The following CRTC3 variants were observed in gnomAD, a reference collection of about 807,000 sequenced individuals.
CRTC3 encodes the protein CREB-regulated transcription coactivator 3.
Under a neutral mutation model 74.5 loss-of-function variants are expected in CRTC3, and 26 were observed. The ratio of observed to expected loss-of-function variants is 0.35; its 90% CI spans 0.26 to 0.48. CRTC3 has a LOEUF of 0.48. CRTC3 is among the 20% of genes least tolerant of loss of function. The probability of loss-of-function intolerance (pLI) is 0.99; values close to 1 mark genes in which losing one functional copy is unlikely to be tolerated. For missense variants in CRTC3, 760 were observed against 787.3 expected (o/e 0.97, Z 0.41); for synonymous variants, 377 against 325.8 (o/e 1.16, Z -1.69).
At chr15:90,564,047 A>C (rs1167480749) in intron 2 of CRTC3, among the ~76,000 whole-genome samples, 1 of 152,176 alleles carries the variant, frequency 6.6e-6, no homozygotes, top group Non-Finnish European at 1.5e-5. Context: ...TAGTAACCCC[A>C]GAGTAGGTAC....
chr15:90,555,353 GTATT>G (rs1966879092), intron 2 of CRTC3, among the ~76,000 whole-genome samples: 1 of 152,032 alleles, frequency 6.6e-6, no homozygotes, highest in Non-Finnish European at 1.5e-5. Context: ...TCATTAATAA[GTATT>G]TATCGAGTGC....
intron 2 of CRTC3, among the ~76,000 whole-genome samples, chr15:90,570,431 A>G (rs1967236401): frequency 6.6e-6 from 1 of 152,160 alleles, no homozygotes; most frequent in South Asian, 2.1e-4. Flanking sequence ...AAAGTCGGTT[A>G]TGTGGGCATC....
At chr15:90,603,310 GCAGGCGCCTGTAGTCCCAGCTACT>G (rs1968131014) in intron 4 of CRTC3, among the ~76,000 whole-genome samples, 1 of 149,532 alleles carries the variant, frequency 6.7e-6, no homozygotes, top group African/African-American at 2.5e-5. Flanking sequence ...GGGCGTGGTG[GCAGGCGCCTGTAGTCCCAGCTACT>G]CGGGAGGCTG....
intron 11 of CRTC3, among the ~76,000 whole-genome samples, chr15:90,633,269 C>T (rs57128810): frequency 0.02 from 3,098 of 152,148 alleles, 127 homozygotes; most frequent in African/African-American, 0.071. Context: ...AATTCAGTCC[C>T]CAACTCTTGG....
intron 9 of CRTC3, among the ~76,000 whole-genome samples, chr15:90,624,344 C>T (rs1968754166): frequency 6.6e-6 from 1 of 152,204 alleles, no homozygotes; most frequent in East Asian, 1.9e-4. Flanking sequence ...ATCCTCCACA[C>T]TGGAACCACA....
rs1596131147 is a variant in CRTC3, at chr15:90,619,933, C to G, written c.749+143C>G. On this transcript the variant is annotated intron_variant, in intron 9 of 14. Transcript: ENST00000268184. ...TCAACTGCATTTTCATAAAAACAGC[C>G]ACTCTCTTTTGATACTCATATTTCA... 5 of 668,982 alleles carry G rather than the reference C, an allele frequency of 7.5e-6. No individual in the cohort carries two copies. The East Asian group carries it at 1.3e-4, about 18-fold the overall frequency. The allele number at this position is 668,982 out of a possible 1,614,324, so 41.4% of individuals were successfully genotyped here. A position where few individuals can be genotyped will look rare whatever the true frequency, so the allele number is the denominator to read the frequency against.
Position 90,614,462 on chromosome 15 carries a change from ATGG to A in CRTC3, c.590_592del (p.Gly197del). The A allele has an allele frequency of 6.2e-7, 1 of 1,609,724 alleles. No homozygotes were observed. Among genetic ancestry groups the A allele is most frequent in the African/African-American group, 1.3e-5 (1 of 74,908 alleles). The stretch of plus-strand genomic sequence containing the variant: ...TTTCCTTTCCCGCTAGGTTTCTGTG[ATGG>A]TGAGAATAATGGACATGGGGAAGGT... On this transcript the variant is annotated inframe_deletion, in exon 7 of 15. Coordinates refer to ENST00000268184, the MANE Select transcript of CRTC3 (RefSeq NM_022769.5).
intron 2 of CRTC3, among the ~76,000 whole-genome samples, chr15:90,560,278 G>A (rs138761869): frequency 5.3e-4 from 80 of 152,300 alleles, no homozygotes; most frequent in African/African-American, 1.9e-3. Flanking sequence ...CTGACTTCCA[G>A]TTTACGTCAC....
chr15:90,549,201 G>A (rs1222572867), intron 2 of CRTC3, among the ~76,000 whole-genome samples: 1 of 152,006 alleles, frequency 6.6e-6, no homozygotes, highest in African/African-American at 2.4e-5. Flanking sequence ...AGTATTTCTA[G>A]TGACTACATG....
At chr15:90,640,186 G>GA (rs1969389070) in intron 13 of CRTC3, among the ~76,000 whole-genome samples, 1 of 152,178 alleles carries the variant, frequency 6.6e-6, no homozygotes, top group South Asian at 2.1e-4. Flanking sequence ...GTCTAGGTGG[G>GA]AATCACCGTC....
intron 2 of CRTC3, among the ~76,000 whole-genome samples, chr15:90,562,443 C>T (rs775701966): frequency 3.9e-5 from 6 of 152,134 alleles, no homozygotes; most frequent in Non-Finnish European, 2.9e-5. Context: ...GGCCTTTGCT[C>T]TTATTTTGCA....
At chr15:90,614,426 CT>C (rs750981842) in intron 6 of CRTC3, 26 bp from the exon 7 acceptor site, 1 of 1,567,586 alleles carries the variant, frequency 6.4e-7, no homozygotes, top group Non-Finnish European at 8.8e-7. Flanking sequence ...AAAGTGTTTT[CT>C]TTTTTTCTTT....
At chr15:90,545,241 C>T (rs1966842288) in intron 2 of CRTC3, among the ~76,000 whole-genome samples, 3 of 152,124 alleles carry the variant, frequency 2.0e-5, no homozygotes, top group African/African-American at 4.8e-5. Context: ...TTCCATTCAT[C>T]CGCTAATGGA....
At chr15:90,547,977 C>G (rs1428436561) in intron 2 of CRTC3, among the ~76,000 whole-genome samples, 1 of 151,318 alleles carries the variant, frequency 6.6e-6, no homozygotes, top group Non-Finnish European at 1.5e-5. Flanking sequence ...CAACCTCCAC[C>G]TCCTGGGCTC....
At position 90,617,884 on chromosome 15, in the gene CRTC3, A is replaced by G. The variant is rs200082382; in HGVS notation, c.615A>G (p.Val205=). The change falls in exon 8 of 15, where the codon GTA becomes GTG. Residue 205 remains valine, a splice_region_variant and synonymous_variant. Coordinates refer to ENST00000268184, the MANE Select transcript of CRTC3 (RefSeq NM_022769.5). ...CDGENNGHGE[V]ASFPGPLKEE... ...GTGCTGCTTTTTTTTTCCCTTTAGTAGCATCTTTCCCTGGCCCATTGAAAG... is the reference window on the plus strand; with the variant it reads ...GTGCTGCTTTTTTTTTCCCTTTAGTGGCATCTTTCCCTGGCCCATTGAAAG... 5.6e-6 allele frequency: 9 copies of G among 1,607,514 alleles called. No individual in the cohort carries two copies. The African/African-American group carries it at 1.1e-4, about 19-fold the overall frequency.
intron 2 of CRTC3, among the ~76,000 whole-genome samples, chr15:90,590,629 G>A (rs55767443): frequency 0.67 from 101,877 of 151,954 alleles, 35,434 homozygotes; most frequent in Non-Finnish European, 0.77. Flanking sequence ...CAAAGTGCTG[G>A]GATTACAGGT....
At position 90,627,706 on chromosome 15, in the gene CRTC3, C is replaced by A. The variant is rs189758814; in HGVS notation, c.968-1528C>A. On this transcript the variant is annotated intron_variant, in intron 10 of 14. Coordinates refer to ENST00000268184, the MANE Select transcript of CRTC3 (RefSeq NM_022769.5). The stretch of plus-strand genomic sequence containing the variant: ...GCGCCATCTCGGCTCACTGCAAGCT[C>A]TGCCTCCTAGGTTCACGCCATTCTC... Among the ~76,000 whole-genome samples the A allele has an allele frequency of 8.2e-3, 1,247 of 151,166 alleles. 19 individuals are homozygous for A. The highest frequency in any genetic ancestry group is 0.029 in the African/African-American group (1,186 of 41,208).
intron 2 of CRTC3, among the ~76,000 whole-genome samples, chr15:90,560,201 T>C (rs1274181148): frequency 2.0e-5 from 3 of 152,178 alleles, no homozygotes; most frequent in African/African-American, 7.2e-5. Context: ...GATTTATTCA[T>C]TCAGCTAGTA....
At position 90,634,187 on chromosome 15, in the gene CRTC3, T is replaced by C. The variant is rs1241480482; in HGVS notation, c.1267-4259T>C. On this transcript the variant is annotated intron_variant, in intron 11 of 14. Coordinates refer to ENST00000268184, the MANE Select transcript of CRTC3 (RefSeq NM_022769.5). ...AGTGCAGTGGTGTGATCTCGGCTCA[T>C]TGTAACCTCCGCCATCCAGGTTCAA... Among the ~76,000 whole-genome samples, 5 of 151,550 alleles carry C rather than the reference T, an allele frequency of 3.3e-5. 1 individual carries two copies. In the East Asian group the frequency reaches 5.8e-4, roughly 18 times the overall value.
Sources: allele counts gnomAD v4.1 joint callset (sites outside exome capture counted in the v4.1 genomes callset), GRCh38; gene constraint gnomAD v4.1.1; transcripts MANE v1.5; gene names NCBI Gene and HGNC (gene_info 2026-07-23, HGNC 2026-07-21).